The following PNPLA7 variants were observed in gnomAD, a reference collection of about 807,000 sequenced individuals.
PNPLA7 encodes patatin like domain 7, lysophospholipase, also known as patatin-like phospholipase domain-containing protein 7.
A neutral mutation model predicts 161.7 loss-of-function variants in PNPLA7; 153 were observed. The ratio of observed to expected loss-of-function variants is 0.95; its 90% CI spans 0.83 to 1.08. PNPLA7 has a LOEUF of 1.08. Ranked by LOEUF, PNPLA7 falls within the 50% of genes least tolerant of loss-of-function variation. The pLI is 0.00. For missense variants in PNPLA7, 1,739 were observed against 1,856.6 expected (o/e 0.94, Z 1.16); for synonymous variants, 809 against 782.1 (o/e 1.03, Z -0.57).
rs1282517949 is a variant in PNPLA7, at chr9:137,541,316, G to A, written c.667-594C>T. The A allele has an allele frequency of 1.9e-5, 11 of 574,392 alleles. No homozygotes were observed. Among genetic ancestry groups the A allele is most frequent in the Non-Finnish European group, 2.2e-5 (10 of 454,416 alleles). The allele number at this position is 574,392 out of a possible 1,614,324, so 35.6% of individuals were successfully genotyped here. On this transcript the variant is annotated intron_variant, in intron 7 of 34. Coordinates refer to ENST00000406427, the MANE Select transcript of PNPLA7 (RefSeq NM_001098537.3). This position sits in a 1 kb window ranked among gnomAD's most constrained non-coding sequence, Gnocchi z 4.4. The stretch of plus-strand genomic sequence containing the variant: ...GGCAACGAAAGCCGCTGCTTCACCA[G>A]CTGGGCGGCCTCATCCCCAGGAGCT...
At chr9:137,463,100 T>TA (rs1831297658) in intron 29 of PNPLA7, 2 of 596,926 alleles carry the variant, frequency 3.4e-6, no homozygotes, top group Non-Finnish European at 5.9e-6. Flanking sequence ...TGCAGGCTGT[T>TA]AGTTTCTGAC....
chr9:137,464,490 C>T (rs1283050246), intron 26 of PNPLA7, 34 bp from the exon 27 acceptor site: 6 of 1,587,228 alleles, frequency 3.8e-6, no homozygotes, highest in Non-Finnish European at 5.2e-6. Context: ...AGAAGGCTTC[C>T]ACCCTCCCTG....
rs534689422 is a variant in PNPLA7 at position 137,540,457 on chromosome 9, C to T, written c.747+185G>A. Among the ~76,000 whole-genome samples, 28 of 152,342 alleles carry T rather than the reference C, an allele frequency of 1.8e-4. No homozygotes were observed. The highest frequency in any genetic ancestry group is 3.6e-4 in the African/African-American group (15 of 41,584). Reference sequence around the variant, plus strand: ...AGCCACATGCCCGGCTATTCTTCAACGCACTGTGGCCAGAATGAAGCTCCC... The same window carrying T: ...AGCCACATGCCCGGCTATTCTTCAATGCACTGTGGCCAGAATGAAGCTCCC... On this transcript the variant is annotated intron_variant, in intron 8 of 34. Transcript: ENST00000406427. This position sits in a 1 kb window ranked among gnomAD's most constrained non-coding sequence, Gnocchi z 5.1.
Position 137,547,605 on chromosome 9 carries a change from C to T in PNPLA7, c.85G>A (p.Glu29Lys), listed in dbSNP as rs1009279142. The T allele has an allele frequency of 6.2e-7, 1 of 1,613,256 alleles. No individual in the cohort carries two copies. The highest frequency in any genetic ancestry group is 1.7e-5 in the Admixed American group (1 of 60,024). Reference protein sequence around the residue: ...LHSWGLWFTEEGSPSTMLTGI... With the variant: ...LHSWGLWFTEKGSPSTMLTGI... ...ATTACCATGGTGGACGGTGAACCTT[C>T]CTCCGTGAACCACAGTCCCCAAGAG... The change falls in exon 2 of 35, where the codon GAA (glutamate) becomes AAA (lysine). Residue 29 changes from glutamate to lysine, a missense_variant. Physicochemically the swap from Glu to Lys is moderately conservative, Grantham distance 56. Around this residue, in one of 6 missense-constraint regions of PNPLA7, gnomAD observed 209 missense variants for 252.8 expected, o/e 0.83. Coordinates refer to ENST00000406427, the MANE Select transcript of PNPLA7 (RefSeq NM_001098537.3). This position sits in a 1 kb window ranked among gnomAD's most constrained non-coding sequence, Gnocchi z 4.6.
rs1833114712 is a variant in PNPLA7, at chr9:137,497,302, T to G, written c.1898A>C (p.Asp633Ala). Residue 633 changes from aspartate (D) to alanine (A), a missense_variant, in exon 18 of 35, where the codon GAC becomes GCC. Around this residue, in one of 6 missense-constraint regions of PNPLA7, gnomAD observed 481 missense variants for 450.0 expected, o/e 1.07. Coordinates refer to ENST00000406427, the MANE Select transcript of PNPLA7 (RefSeq NM_001098537.3). ...CATGATGTACGTGCAGTCGGACTTG[T>G]CCCCCTGCCTGCGGAAGACACAGAG... The part of the protein sequence containing the change: ...EAGRAIYRQG[D>A]KSDCTYIMLS... 6.4e-7 allele frequency: 1 copy of G among 1,566,886 alleles called. No individual in the cohort carries two copies. Among genetic ancestry groups the G allele is most frequent in the Non-Finnish European group, 8.6e-7 (1 of 1,156,802 alleles).
intron 21 of PNPLA7, among the ~76,000 whole-genome samples, chr9:137,483,234 G>C (rs764777095): frequency 1.3e-5 from 2 of 152,054 alleles, no homozygotes; most frequent in Admixed American, 1.3e-4. Flanking sequence ...CGCACAACTC[G>C]AAGATGTTTC....
chr9:137,493,644 C>T (rs1361893178), intron 19 of PNPLA7, among the ~76,000 whole-genome samples: 1 of 152,272 alleles, frequency 6.6e-6, no homozygotes, highest in Non-Finnish European at 1.5e-5. Flanking sequence ...CCACTGGCTT[C>T]ACCCGCACTG....
rs368908923 is a variant in PNPLA7 at position 137,480,950 on chromosome 9, C to T, written c.2411+10G>A. 6.8e-5 allele frequency: 106 copies of T among 1,551,188 alleles called. No homozygotes were observed. The East Asian group carries it at 1.5e-3, about 23-fold the overall frequency. ...GCTGGGAGGAAGGAGTCGGGGCTGG[C>T]GGCACGCACCTGTCCAGGGCAGCGG... On this transcript the variant is annotated intron_variant, in intron 22 of 34. Transcript: ENST00000406427.
chr9:137,540,591 C>G lies in PNPLA7; in HGVS notation c.747+51G>C. On this transcript the variant is annotated intron_variant, in intron 8 of 34. Transcript: ENST00000406427. The surrounding 1 kb of genome is among the most constrained non-coding windows in gnomAD (Gnocchi z 5.1). ...TCCAGACAAGACAGAAAAACCAGGCCTCCGGGGCCAACCCAGGGGCGCCCG... is the reference window on the plus strand; with the variant it reads ...TCCAGACAAGACAGAAAAACCAGGCGTCCGGGGCCAACCCAGGGGCGCCCG... 6.6e-7 allele frequency: 1 copy of G among 1,518,026 alleles called. No homozygotes were observed. The highest frequency in any genetic ancestry group is 9.0e-7 in the Non-Finnish European group (1 of 1,115,490). The allele number at this position is 1,518,026 out of a possible 1,614,324, so 94.0% of individuals were successfully genotyped here.
intron 20 of PNPLA7, among the ~76,000 whole-genome samples, chr9:137,489,353 G>A (rs1798230597): frequency 2.0e-5 from 3 of 152,170 alleles, no homozygotes; most frequent in East Asian, 1.9e-4. Flanking sequence ...GTGAATACAA[G>A]CACACTAACA....
chr9:137,462,864 G>C, intron 29 of PNPLA7, 31 bp from the exon 30 acceptor site: 1 of 1,611,220 alleles, frequency 6.2e-7, no homozygotes, highest in Non-Finnish European at 8.5e-7. Context: ...GTTACCCCCT[G>C]GACAGGCATG....
intron 20 of PNPLA7, among the ~76,000 whole-genome samples, chr9:137,485,707 G>A (rs1300575808): frequency 2.6e-5 from 4 of 152,244 alleles, no homozygotes; most frequent in South Asian, 2.1e-4. Flanking sequence ...TGGAGACCCC[G>A]GAGACGCGAG....
chr9:137,491,813 C>T, intron 20 of PNPLA7: 1 of 985,410 alleles, frequency 1.0e-6, no homozygotes, highest in African/African-American at 1.7e-5. Flanking sequence ...AGCTCACACG[C>T]CAATGCCAGA....
chr9:137,522,979 C>T (rs1284817319), intron 8 of PNPLA7, 122 bp from the exon 9 acceptor site: 9 of 1,381,644 alleles, frequency 6.5e-6, no homozygotes, highest in Non-Finnish European at 8.9e-6. Context: ...GCTCCATTCT[C>T]CCTCCCAGGC....
At chr9:137,473,386 T>A (rs1199713508) in intron 25 of PNPLA7, among the ~76,000 whole-genome samples, 1 of 152,146 alleles carries the variant, frequency 6.6e-6, no homozygotes, top group East Asian at 1.9e-4. Flanking sequence ...TAGAAGAAGA[T>A]GAAGAGTACC....
chr9:137,509,597 C>T (rs1000208874), intron 12 of PNPLA7: 2 of 354,624 alleles, frequency 5.6e-6, no homozygotes, highest in Admixed American at 5.9e-5. Flanking sequence ...TTAGCTGGTA[C>T]AAATGAGTTT....
intron 14 of PNPLA7, among the ~76,000 whole-genome samples, chr9:137,502,594 G>T (rs995883949): frequency 2.3e-5 from 3 of 132,938 alleles, no homozygotes; most frequent in Non-Finnish European, 4.7e-5. Flanking sequence ...TTGTCAGCCC[G>T]AGGAGGAGCC....
At chr9:137,516,446 T>C (rs1451715255) in intron 11 of PNPLA7, 1 of 985,118 alleles carries the variant, frequency 1.0e-6, no homozygotes, top group African/African-American at 1.7e-5. Flanking sequence ...GGACAGCTGC[T>C]GCCCCATCAA....
chr9:137,479,161 C>G lies in PNPLA7; in HGVS notation c.2658G>C (p.Ala886=). The G allele has an allele frequency of 6.4e-7, 1 of 1,573,114 alleles. No individual in the cohort carries two copies. The highest frequency in any genetic ancestry group is 8.6e-7 in the Non-Finnish European group (1 of 1,160,458). The change falls in exon 24 of 35, where the codon GCG becomes GCC. Residue 886 remains alanine, a synonymous_variant. Transcript: ENST00000406427. ...TGAGCCACTCCACGGTGCGCGCTGG[C>G]GCCGGGCCCTCCTCCCTGTGCAGCA... ...LILLHREEGP[A]PARTVEWLNM...
Sources: gnomAD v4.1 joint callset for allele counts (sites outside exome capture counted in the v4.1 genomes callset) on GRCh38, gnomAD v4.1.1 for gene constraint, gnomAD v4.1.1 regional missense constraint, Gnocchi (gnomAD v3.1) non-coding constraint, MANE v1.5 for transcripts, NCBI Gene and HGNC (gene_info 2026-07-23, HGNC 2026-07-21) for gene names.